ING5: variants seen among roughly 807,000 people sequenced by gnomAD.
The protein encoded by ING5 is inhibitor of growth family member 5, also known as inhibitor of growth protein 5.
In ING5, 17 loss-of-function variants were observed where a neutral mutation model predicts 37.4. The ratio of observed to expected loss-of-function variants is 0.45; its 90% confidence interval spans 0.31 to 0.68. ING5 has a LOEUF of 0.68. ING5 is among the 30% of genes least tolerant of loss of function. The pLI is 0.05. For synonymous variants in ING5, 123 were observed against 116.6 expected (o/e 1.06, Z -0.36); for missense variants, 233 against 311.9 (o/e 0.75, Z 1.91).
intron 2 of ING5, among the ~76,000 whole-genome samples, chr2:241,705,648 C>T (rs535108890): frequency 3.5e-4 from 52 of 150,598 alleles, no homozygotes; most frequent in Non-Finnish European, 5.5e-4. Flanking sequence ...CCTCATGATC[C>T]GCCTGCCTAG....
At chr2:241,692,405 C>T (rs1156611310) in intron 2 of ING5, among the ~76,000 whole-genome samples, 1 of 151,666 alleles carries the variant, frequency 6.6e-6, no homozygotes, top group Non-Finnish European at 1.5e-5. Flanking sequence ...AGGTTCTGGT[C>T]TCGAGTGATC....
At chr2:241,702,384 C>T (rs1270201792) in intron 1 of ING5, among the ~76,000 whole-genome samples, 28 of 150,686 alleles carry the variant, frequency 1.9e-4, no homozygotes, top group African/African-American at 6.1e-4. Context: ...GCGGCCTCGA[C>T]CCCGCCCACA....
In ING5 at chr2:241,722,676, A is replaced by G. The variant is rs573251244; in HGVS notation, c.483-263A>G. ...TGTGTGCTCCAGGAAGAAAACGTCC[A>G]CAAGGTGTGTATTCAGTTAGTGCAT... On this transcript the variant is annotated intron_variant, in intron 5 of 7. Coordinates refer to ENST00000313552, the MANE Select transcript of ING5 (RefSeq NM_032329.6). The G allele has an allele frequency of 4.0e-5, 39 of 985,444 alleles. No individual in the cohort carries two copies. In the African/African-American group the frequency reaches 5.2e-4, roughly 13 times the overall value. 61.0% of individuals were successfully genotyped at this position (985,444 alleles called of 1,614,324 possible). A position where few individuals can be genotyped will look rare whatever the true frequency, so the allele number is the denominator to read the frequency against.
At chr2:241,694,054 T>C (rs928884435) in intron 2 of ING5, 1 of 152,030 alleles carries the variant, frequency 6.6e-6, no homozygotes, top group Non-Finnish European at 1.5e-5. Context: ...GGGAGAGTTA[T>C]ATTTAATATA....
At chr2:241,705,835 A>G (rs1311085308) in intron 2 of ING5, among the ~76,000 whole-genome samples, 1 of 152,020 alleles carries the variant, frequency 6.6e-6, no homozygotes, top group Non-Finnish European at 1.5e-5. Context: ...CCACACCCTC[A>G]CATGCCCTCA....
chr2:241,688,099 A>G (rs1281740897), intron 1 of ING5: 1 of 152,238 alleles, frequency 6.6e-6, no homozygotes, highest in Admixed American at 6.5e-5. Flanking sequence ...CTAAAATACT[A>G]CTATCTATAT....
Position 241,719,881 on chromosome 2 carries a change from G to A in ING5, c.483-3058G>A, listed in dbSNP as rs1204923264. 2.2e-6 allele frequency: 3 copies of A among 1,348,240 alleles called. No homozygotes were observed. In the African/African-American group the frequency reaches 4.4e-5, roughly 20 times the overall value. The allele number at this position is 1,348,240 out of a possible 1,614,324, so 83.5% of individuals were successfully genotyped here. On this transcript the variant is annotated intron_variant, in intron 5 of 7. Transcript: ENST00000313552. ...TGCCGTGCAGGTCCCAGTAGTGACA[G>A]ATGAGAAGGGTGATCACCGATGGCG...
intron 5 of ING5, among the ~76,000 whole-genome samples, chr2:241,713,148 C>G (rs936458813): frequency 1.3e-4 from 20 of 151,472 alleles, no homozygotes; most frequent in African/African-American, 4.9e-4. Flanking sequence ...CCTCTGCCTC[C>G]CAGGTTCAAG....
At chr2:241,701,638 G>A (rs551912981), upstream of ING5, among the ~76,000 whole-genome samples, 2 of 152,292 alleles carry the variant, frequency 1.3e-5, no homozygotes, top group Admixed American at 1.3e-4. Context: ...GGGCCTCGTG[G>A]CGGCCTGTCC....
intron 7 of ING5, among the ~76,000 whole-genome samples, chr2:241,724,320 C>T (rs948864017): frequency 3.3e-5 from 5 of 152,154 alleles, no homozygotes; most frequent in South Asian, 2.1e-4. Flanking sequence ...TGCCCCACGC[C>T]GTGCGGCTGG....
rs757340133 is a variant in ING5 at position 241,719,543 on chromosome 2, G to A, written c.483-3396G>A. On this transcript the variant is annotated intron_variant, in intron 5 of 7. Transcript: ENST00000313552. ...GCTCGGAACCTGAAGGCCCTGTCCC[G>A]ACCGTGCCTTTTCTGCGTGAAAGTG... 6.5e-6 allele frequency: 10 copies of A among 1,535,932 alleles called. No individual in the cohort carries two copies. In the Admixed American group the frequency reaches 7.8e-5, roughly 12 times the overall value.
intron 7 of ING5, chr2:241,723,860 A>C: frequency 1.3e-6 from 2 of 1,521,008 alleles, no homozygotes; most frequent in Non-Finnish European, 1.8e-6. Context: ...AAATACAAAA[A>C]TTAGCTGGGC....
At chr2:241,702,657 C>T (rs2069779871) in intron 1 of ING5, among the ~76,000 whole-genome samples, 1 of 152,082 alleles carries the variant, frequency 6.6e-6, no homozygotes, top group African/African-American at 2.4e-5. Flanking sequence ...GGCGCGGAGG[C>T]GGGGAGGGCG....
chr2:241,709,884 G>A (rs1180160919), intron 3 of ING5, among the ~76,000 whole-genome samples: 1 of 151,970 alleles, frequency 6.6e-6, no homozygotes, highest in Non-Finnish European at 1.5e-5. Context: ...TGAGATTACA[G>A]GCATGAGCCA....
At chr2:241,702,378 C>T (rs1196618893) in intron 1 of ING5, among the ~76,000 whole-genome samples, 1 of 148,846 alleles carries the variant, frequency 6.7e-6, no homozygotes, top group Admixed American at 6.6e-5. Flanking sequence ...GGGCTTGCGG[C>T]CTCGACCCCG....
chr2:241,711,556 C>A, intron 4 of ING5, 68 bp downstream of exon 4: 1 of 1,131,586 alleles, frequency 8.8e-7, no homozygotes, highest in Non-Finnish European at 1.3e-6. Flanking sequence ...AGTTTTGTCA[C>A]GGTAAATCAT....
At chr2:241,722,871 C>A (rs1029508299) in intron 5 of ING5, 68 bp from the exon 6 acceptor site, 85 of 1,598,120 alleles carry the variant, frequency 5.3e-5, no homozygotes, top group Non-Finnish European at 6.5e-5. Context: ...ACAGAAGGGC[C>A]CGTGGTGTCC....
chr2:241,714,770 A>G (rs1357881036), intron 5 of ING5, among the ~76,000 whole-genome samples: 5 of 151,944 alleles, frequency 3.3e-5, no homozygotes, highest in Admixed American at 3.3e-4. Flanking sequence ...TGCCTGGCTA[A>G]TTTTTTGTAG....
chr2:241,713,016 A>G (rs1262654580), intron 5 of ING5, among the ~76,000 whole-genome samples: 2 of 151,152 alleles, frequency 1.3e-5, no homozygotes, highest in Admixed American at 1.3e-4. Context: ...AAAAAAATAA[A>G]GAGAAAAAAA....
Sources: allele counts gnomAD v4.1 joint callset (sites outside exome capture counted in the v4.1 genomes callset), GRCh38; gene constraint gnomAD v4.1.1; transcripts MANE v1.5; gene names NCBI Gene and HGNC (gene_info 2026-07-23, HGNC 2026-07-21).